Variants in RABL6 observed in about 807,000 individuals in gnomAD.
RABL6 encodes rab-like protein 6.
In RABL6, 28 loss-of-function variants were observed where a neutral mutation model predicts 72.9. That is an observed-to-expected ratio of 0.38 (90% CI 0.28 to 0.53). The LOEUF is 0.53. Among genes scored for constraint, RABL6 ranks in the 20% least tolerant of loss-of-function variants. RABL6 has a pLI of 0.80. For synonymous variants in RABL6, 477 were observed against 421.2 expected, an observed-to-expected ratio of 1.13 and a Z score of -1.62; for missense variants, 1,029 against 1,008.4, an observed-to-expected ratio of 1.02 and a Z score of -0.28.
intron 1 of RABL6, chr9:136,822,028 C>T (rs1309684095): frequency 3.1e-6 from 4 of 1,289,636 alleles, no homozygotes; most frequent in East Asian, 5.6e-5. Context: ...GAACAAGCTT[C>T]AGGGGAGAAG....
chr9:136,840,283 T>G (rs768401904), intron 14 of RABL6, 39 bp from the exon 15 acceptor site: 1 of 1,609,922 alleles, frequency 6.2e-7, no homozygotes, highest in Non-Finnish European at 8.5e-7. Context: ...GGCTGTGGCT[T>G]CCTGTGACTC....
intron 7 of RABL6, chr9:136,833,628 G>A (rs1001604830): frequency 1.3e-6 from 2 of 1,517,084 alleles, no homozygotes; most frequent in African/African-American, 2.8e-5. Context: ...CTGGGTCTGG[G>A]GGACCTGAAC....
chr9:136,818,377 A>C lies in RABL6; in HGVS notation c.131-5148A>C, dbSNP rs1395982474. On this transcript the variant is annotated intron_variant, in intron 1 of 14. Transcript: ENST00000311502. ...GACTCTGTCTCAAAAAAAAAAAAAA[A>C]AAAAAAAAAAAAAAAAAAAAAAAAA... Among the ~76,000 whole-genome samples the C allele has an allele frequency of 2.1e-3, 61 of 28,798 alleles. 1 individual carries two copies. The East Asian group carries it at 0.031, about 14-fold the overall frequency. The allele number at this position is 28,798 out of a possible 152,430, so 18.9% of individuals were successfully genotyped here.
chr9:136,819,236 G>A (rs1848187662), intron 1 of RABL6, among the ~76,000 whole-genome samples: 1 of 151,364 alleles, frequency 6.6e-6, no homozygotes, highest in African/African-American at 2.4e-5. Flanking sequence ...GCAGGAGAAT[G>A]GCGTGAACCC....
At chr9:136,812,749 C>T (rs888222569) in intron 1 of RABL6, 2 of 316,438 alleles carry the variant, frequency 6.3e-6, no homozygotes, top group Non-Finnish European at 1.2e-5. Context: ...TCCTTTCTTT[C>T]AAATGGGAGA....
At chr9:136,825,949 C>G (rs1240235868) in intron 3 of RABL6, 123 bp downstream of exon 3, 5 of 1,169,058 alleles carry the variant, frequency 4.3e-6, no homozygotes, top group Non-Finnish European at 6.3e-6. Flanking sequence ...TGCCCAGGGT[C>G]TTGCTGCTCT....
intron 4 of RABL6, 40 bp from the exon 5 acceptor site, chr9:136,829,353 A>T: frequency 6.7e-7 from 1 of 1,500,316 alleles, no homozygotes; most frequent in Non-Finnish European, 9.1e-7. Flanking sequence ...GGTGGGGCCC[A>T]GCCTGGGCCA....
chr9:136,824,843 C>A (rs1156953376), intron 2 of RABL6, among the ~76,000 whole-genome samples: 1 of 152,190 alleles, frequency 6.6e-6, no homozygotes, highest in Non-Finnish European at 1.5e-5. Flanking sequence ...ACAGGGCCGG[C>A]GCACAGAAGC....
rs1448085817 is a variant in RABL6, at chr9:136,840,519, C to T, written c.2187C>T (p.Leu729=). The part of the protein sequence containing the change: ...RHPGGGDYEE[L] ...CTGGGGGTGGCGACTACGAGGAGCT[C>T]TAGGCCGGCGTGGGCAGTGGCCGCC... The change falls in exon 15 of 15, where the codon CTC becomes CTT. Residue 729 remains leucine (L), a synonymous_variant. Transcript: ENST00000311502. 6.5e-7 allele frequency: 1 copy of T among 1,540,612 alleles called. No homozygotes were observed. Among genetic ancestry groups the T allele is most frequent in the South Asian group, 1.2e-5 (1 of 83,372 alleles).
At chr9:136,833,990 C>G in intron 7 of RABL6, 1 of 1,520,060 alleles carries the variant, frequency 6.6e-7, no homozygotes, top group Non-Finnish European at 8.9e-7. Context: ...TCCAAAGCCT[C>G]CCAGGGAGAG....
intron 7 of RABL6, chr9:136,833,708 G>A: frequency 2.6e-6 from 4 of 1,550,296 alleles, no homozygotes; most frequent in Non-Finnish European, 3.5e-6. Context: ...AGCAGCCTTG[G>A]TCTTTCTCCA....
At chr9:136,816,658 A>C (rs1196442857) in intron 1 of RABL6, among the ~76,000 whole-genome samples, 1 of 142,580 alleles carries the variant, frequency 7.0e-6, no homozygotes, top group East Asian at 2.2e-4. Context: ...TGGAGGTTGC[A>C]GTGGGTCGAG....
At chr9:136,837,827 G>A (rs1167122744) in intron 9 of RABL6, 35 bp from the exon 10 acceptor site, 14 of 1,544,722 alleles carry the variant, frequency 9.1e-6, no homozygotes, top group Middle Eastern at 2.3e-4. Context: ...GGGTTCTGGT[G>A]CCGAGTGAAG....
intron 7 of RABL6, chr9:136,833,896 C>A (rs1278988969): frequency 6.4e-7 from 1 of 1,550,510 alleles, no homozygotes; most frequent in East Asian, 2.4e-5. Context: ...CAGAGCCGTC[C>A]CCTCATCACT....
intron 1 of RABL6, among the ~76,000 whole-genome samples, chr9:136,816,769 ACTTGC>A (rs888769676): frequency 4.6e-5 from 7 of 151,568 alleles, no homozygotes; most frequent in Admixed American, 1.3e-4. Context: ...AGATTATTTT[ACTTGC>A]CTTATTTCTG....
chr9:136,838,820 G>A (rs1848631165), intron 10 of RABL6, 89 bp from the exon 11 acceptor site: 1 of 1,214,930 alleles, frequency 8.2e-7, no homozygotes, highest in Non-Finnish European at 1.1e-6. Context: ...GGGTGTGCTG[G>A]GTACCAGGGC....
chr9:136,808,307 C>T lies in RABL6; in HGVS notation c.111C>T (p.Ala37=). ...SMNQALQRRF[A]KGVQYNMKIV... ...ACCAGGCGTTGCAGAGGCGCTTCGC[C>T]AAGGGGGTGCAGTACAACAGTGAGT... Residue 37 remains alanine, a synonymous_variant, in exon 1 of 15, where the codon GCC becomes GCT. Transcript: ENST00000311502. The T allele has an allele frequency of 6.4e-7, 1 of 1,559,776 alleles. No homozygotes were observed. The highest frequency in any genetic ancestry group is 1.2e-5 in the South Asian group (1 of 86,170).
At chr9:136,829,913 G>C (rs1848436187) in intron 5 of RABL6, among the ~76,000 whole-genome samples, 1 of 152,234 alleles carries the variant, frequency 6.6e-6, no homozygotes, top group Non-Finnish European at 1.5e-5. Flanking sequence ...GTGGCACACA[G>C]GACGATCTCT....
At chr9:136,830,237 C>T (rs1275183261) in intron 5 of RABL6, among the ~76,000 whole-genome samples, 2 of 152,232 alleles carry the variant, frequency 1.3e-5, no homozygotes, top group Non-Finnish European at 2.9e-5. Flanking sequence ...TGGGAAGACC[C>T]CCACACCAGG....
Sources: gnomAD v4.1 joint callset for allele counts (sites outside exome capture counted in the v4.1 genomes callset) on GRCh38, gnomAD v4.1.1 for gene constraint, MANE v1.5 for transcripts, NCBI Gene and HGNC (gene_info 2026-07-23, HGNC 2026-07-21) for gene names.